Variants in EEA1 observed in about 807,000 individuals in gnomAD.
EEA1 encodes the protein early endosome antigen 1, 162kD.
A neutral mutation model predicts 209.2 loss-of-function variants in EEA1; 111 were observed. The ratio of observed to expected loss-of-function variants is 0.53; its 90% CI spans 0.45 to 0.62. The LOEUF is 0.62. Among genes scored for constraint, EEA1 ranks in the 20% least tolerant of loss-of-function variants. The probability of loss-of-function intolerance (pLI) is 0.00; values close to 1 mark genes in which losing one functional copy is unlikely to be tolerated. For missense variants in EEA1, 1,343 were observed against 1,530.8 expected, an observed-to-expected ratio of 0.88 and a Z score of 2.05; for synonymous variants, 536 against 540.6, an observed-to-expected ratio of 0.99 and a Z score of 0.12.
At chr12:92,792,381 C>G (rs1314459639) in intron 21 of EEA1, among the ~76,000 whole-genome samples, 2 of 151,400 alleles carry the variant, frequency 1.3e-5, no homozygotes, top group African/African-American at 4.9e-5. Context: ...AGACTGCTAG[C>G]AAGATTAATA....
chr12:92,831,239 C>T (rs7971059), intron 11 of EEA1, among the ~76,000 whole-genome samples: 140,728 of 151,982 alleles, frequency 0.93, 65,238 homozygotes, highest in East Asian at 1. Flanking sequence ...TAGCTGAGAC[C>T]TGAATATCCC....
At chr12:92,798,008 T>C (rs1003116719) in intron 21 of EEA1, among the ~76,000 whole-genome samples, 11 of 152,144 alleles carry the variant, frequency 7.2e-5, no homozygotes, top group Admixed American at 1.3e-4. Context: ...ATACTAACAG[T>C]AGAGAAGGAA....
intron 1 of EEA1, among the ~76,000 whole-genome samples, chr12:92,901,491 C>T (rs1461911062): frequency 1.3e-5 from 2 of 152,176 alleles, no homozygotes; most frequent in East Asian, 3.9e-4. Flanking sequence ...ACAAGGAAAC[C>T]CTCACAAGTC....
rs142273685 is a variant in EEA1, at chr12:92,858,996, A to G, written c.246-1511T>C. 1.3e-5 allele frequency: 9 copies of G among 683,442 alleles called. No homozygotes were observed. The East Asian group carries it at 2.3e-4, about 17-fold the overall frequency. The allele number at this position is 683,442 out of a possible 1,614,324, so 42.3% of individuals were successfully genotyped here. A position where few individuals can be genotyped will look rare whatever the true frequency, so the allele number is the denominator to read the frequency against. The stretch of plus-strand genomic sequence containing the variant: ...CCTATGCTGCTCATTCAGTGGCAAA[A>G]TCCCTTGTTAAAGGAGGTCTGTGCA... On this transcript the variant is annotated intron_variant, in intron 3 of 28. Coordinates refer to ENST00000322349, the MANE Select transcript of EEA1 (RefSeq NM_003566.4).
chr12:92,828,365 C>CTTTA (rs1592723412), intron 11 of EEA1, among the ~76,000 whole-genome samples: 1 of 151,918 alleles, frequency 6.6e-6, no homozygotes, highest in African/African-American at 2.4e-5. Flanking sequence ...CTTTCAGGAA[C>CTTTA]TTAAAAGAAT....
intron 18 of EEA1, among the ~76,000 whole-genome samples, chr12:92,804,168 A>G (rs1430806831): frequency 6.6e-6 from 1 of 152,178 alleles, no homozygotes; most frequent in Non-Finnish European, 1.5e-5. Flanking sequence ...GAGTACATAT[A>G]TGTGCACATG....
chr12:92,813,474 A>G (rs902967615), intron 15 of EEA1, among the ~76,000 whole-genome samples: 2 of 152,216 alleles, frequency 1.3e-5, no homozygotes, highest in Non-Finnish European at 2.9e-5. Flanking sequence ...ATTACTCCGA[A>G]GATAATCAAG....
chr12:92,893,060 A>G (rs916115934), intron 1 of EEA1, among the ~76,000 whole-genome samples: 2 of 152,200 alleles, frequency 1.3e-5, no homozygotes, highest in African/African-American at 4.8e-5. Context: ...CAGCTCCAAT[A>G]CTTGATATGA....
At chr12:92,781,687 C>T (rs1380407934) in intron 23 of EEA1, among the ~76,000 whole-genome samples, 1 of 151,716 alleles carries the variant, frequency 6.6e-6, no homozygotes, top group Non-Finnish European at 1.5e-5. Context: ...CTGCAATAAC[C>T]AAGGGTCTAT....
At chr12:92,878,858 G>C (rs1879021617) in intron 2 of EEA1, among the ~76,000 whole-genome samples, 1 of 152,148 alleles carries the variant, frequency 6.6e-6, no homozygotes, top group Non-Finnish European at 1.5e-5. Context: ...CACATTAGAT[G>C]AAACAACAGA....
At chr12:92,858,942 G>A (rs991724226) in intron 3 of EEA1, 17 of 700,040 alleles carry the variant, frequency 2.4e-5, no homozygotes, top group Non-Finnish European at 3.9e-5. Context: ...TTTGAGGAAA[G>A]GATTATACTA....
chr12:92,929,108 C>T lies in EEA1; in HGVS notation c.-42G>A. On this transcript the variant is annotated 5_prime_UTR_variant, in exon 1 of 29. Transcript: ENST00000322349. ...GGCGCCGCCGCGGTGACTCTCCAGA[C>T]CCTGCGCGGGGCCACTCACTACTCG... is the stretch of plus-strand genomic sequence containing the variant. 6.4e-7 allele frequency: 1 copy of T among 1,567,720 alleles called. No homozygotes were observed. Among genetic ancestry groups the T allele is most frequent in the Non-Finnish European group, 8.6e-7 (1 of 1,157,316 alleles).
chr12:92,832,948 AT>A, intron 10 of EEA1, 98 bp from the exon 11 acceptor site: 1 of 804,540 alleles, frequency 1.2e-6, no homozygotes, highest in Non-Finnish European at 1.9e-6. Context: ...CCTATTATAC[AT>A]TTTAGTCAAT....
intron 5 of EEA1, among the ~76,000 whole-genome samples, chr12:92,855,564 G>C (rs1877843142): frequency 6.6e-6 from 1 of 150,746 alleles, no homozygotes; most frequent in African/African-American, 2.4e-5. Context: ...GGCTTAATTT[G>C]TCACATGTAT....
intron 3 of EEA1, among the ~76,000 whole-genome samples, chr12:92,859,649 C>T (rs1013575217): frequency 3.2e-4 from 48 of 152,208 alleles, no homozygotes; most frequent in African/African-American, 1.2e-3. Flanking sequence ...AGAAACAACA[C>T]TGTAGTAAAT....
intron 21 of EEA1, among the ~76,000 whole-genome samples, chr12:92,793,764 A>G (rs1874521196): frequency 6.6e-6 from 1 of 152,208 alleles, no homozygotes. Context: ...CTTTCTTCAT[A>G]GAATCGGAAA....
At chr12:92,800,678 T>C (rs184323617) in intron 20 of EEA1, among the ~76,000 whole-genome samples, 1 of 152,238 alleles carries the variant, frequency 6.6e-6, no homozygotes, top group African/African-American at 2.4e-5. Flanking sequence ...ACTTTAAAGA[T>C]ATTAACCCAT....
At chr12:92,782,243 G>C in intron 22 of EEA1, 108 bp from the exon 23 acceptor site, 1 of 835,042 alleles carries the variant, frequency 1.2e-6, no homozygotes, top group Non-Finnish European at 1.8e-6. Context: ...TAAAAAGATA[G>C]CATATTATAC....
chr12:92,879,196 T>C (rs1298017343), intron 2 of EEA1: 1 of 308,598 alleles, frequency 3.2e-6, no homozygotes, highest in Non-Finnish European at 6.0e-6. Flanking sequence ...ACTTTTGGAT[T>C]CTGGATTTTT....
Sources: gnomAD v4.1 joint callset for allele counts (sites outside exome capture counted in the v4.1 genomes callset) on GRCh38, gnomAD v4.1.1 for gene constraint, MANE v1.5 for transcripts, NCBI Gene and HGNC (gene_info 2026-07-23, HGNC 2026-07-21) for gene names.